The following AKAP19 variants were observed in gnomAD, a reference collection of about 807,000 sequenced individuals.
AKAP19 encodes small A-kinase anchoring protein.
the AKAP19 span, among the ~76,000 whole-genome samples, chr2:190,175,190 T>C: frequency 4.3e-4 from 66 of 152,224 alleles, no homozygotes; most frequent in Admixed American, 1.8e-3. Context: ...ATAGTGTCTA[T>C]TAATGATGCT....
At chr2:190,034,056 C>T in the AKAP19 span, among the ~76,000 whole-genome samples, 1 of 151,590 alleles carries the variant, frequency 6.6e-6, no homozygotes, top group Non-Finnish European at 1.5e-5. Flanking sequence ...GCACGTTGTG[C>T]CCATGTACCC....
chr2:190,143,756 G>A, the AKAP19 span, among the ~76,000 whole-genome samples: 1 of 150,896 alleles, frequency 6.6e-6, no homozygotes, highest in African/African-American at 2.4e-5. Context: ...CAATAGCAAA[G>A]ACTTGGAACC....
At chr2:190,065,334 CA>C in the AKAP19 span, among the ~76,000 whole-genome samples, 3 of 152,088 alleles carry the variant, frequency 2.0e-5, no homozygotes, top group Admixed American at 2.0e-4. Context: ...TACAGAGTTT[CA>C]GTCTGGGAAG....
At chr2:190,022,058 G>C in the AKAP19 span, among the ~76,000 whole-genome samples, 1 of 151,876 alleles carries the variant, frequency 6.6e-6, no homozygotes, top group Non-Finnish European at 1.5e-5. Flanking sequence ...AAAGCCATCA[G>C]TCCCATTCTC....
At chr2:189,949,111 A>G in the AKAP19 span, among the ~76,000 whole-genome samples, 1 of 152,316 alleles carries the variant, frequency 6.6e-6, no homozygotes, top group East Asian at 1.9e-4. Context: ...AAATCTTTGC[A>G]TACTCAAGTC....
the AKAP19 span, among the ~76,000 whole-genome samples, chr2:190,002,083 A>T: frequency 1.3e-5 from 2 of 152,206 alleles, no homozygotes; most frequent in Non-Finnish European, 2.9e-5. Flanking sequence ...GCCTCCCTAT[A>T]GAACAAGGGC....
At chr2:190,000,614 G>T in the AKAP19 span, among the ~76,000 whole-genome samples, 2 of 152,074 alleles carry the variant, frequency 1.3e-5, no homozygotes, top group East Asian at 3.8e-4. Flanking sequence ...TCTTCTGAAG[G>T]TTTACCTTCA....
chr2:190,168,954 G>T, the AKAP19 span, among the ~76,000 whole-genome samples: 1 of 152,138 alleles, frequency 6.6e-6, no homozygotes, highest in Non-Finnish European at 1.5e-5. Flanking sequence ...TTCCAAAGTT[G>T]CTTCCACATT....
At chr2:189,891,414 G>T in the AKAP19 span, among the ~76,000 whole-genome samples, 2 of 149,596 alleles carry the variant, frequency 1.3e-5, no homozygotes, top group African/African-American at 5.1e-5. Flanking sequence ...TAGTAGAGAC[G>T]GGGTTTCACC....
At chr2:189,971,775 T>C in the AKAP19 span, among the ~76,000 whole-genome samples, 2 of 152,236 alleles carry the variant, frequency 1.3e-5, no homozygotes, top group African/African-American at 4.8e-5. Flanking sequence ...TGCATAAATG[T>C]CTTCTTTTGA....
the AKAP19 span, among the ~76,000 whole-genome samples, chr2:190,155,184 A>AGT: frequency 2.4e-4 from 36 of 152,140 alleles, no homozygotes; most frequent in Non-Finnish European, 4.7e-4. Flanking sequence ...CAACAGAGAG[A>AGT]GTAAGGAGGT....
chr2:189,948,225 T>G, the AKAP19 span, among the ~76,000 whole-genome samples: 41 of 152,186 alleles, frequency 2.7e-4, no homozygotes, highest in Non-Finnish European at 5.9e-4. Context: ...TAATTCATTT[T>G]AACTTCTTAG....
the AKAP19 span, among the ~76,000 whole-genome samples, chr2:189,890,200 C>T: frequency 6.6e-6 from 1 of 152,194 alleles, no homozygotes. Context: ...CATTCAGGAG[C>T]AGGTTGTTCA....
chr2:190,074,538 C>CT, the AKAP19 span, among the ~76,000 whole-genome samples: 1 of 152,060 alleles, frequency 6.6e-6, no homozygotes, highest in South Asian at 2.1e-4. Flanking sequence ...CTAGTCCCAG[C>CT]TGCTCAGGAG....
At chr2:190,045,808 T>A in the AKAP19 span, among the ~76,000 whole-genome samples, 6 of 152,170 alleles carry the variant, frequency 3.9e-5, no homozygotes, top group African/African-American at 1.4e-4. Context: ...AAACTCCCAC[T>A]TTGCCAGAGC....
At chr2:190,000,158 C>A in the AKAP19 span, among the ~76,000 whole-genome samples, 1 of 152,126 alleles carries the variant, frequency 6.6e-6, no homozygotes, top group Non-Finnish European at 1.5e-5. Flanking sequence ...TTATAACTAC[C>A]TTTTTACCTT....
the AKAP19 span, among the ~76,000 whole-genome samples, chr2:189,967,055 A>G: frequency 2.0e-5 from 3 of 152,202 alleles, no homozygotes; most frequent in Non-Finnish European, 4.4e-5. Context: ...TACATTCTTC[A>G]TTCTTCCTTA....
At chr2:189,976,168 C>T in the AKAP19 span, among the ~76,000 whole-genome samples, 1 of 152,104 alleles carries the variant, frequency 6.6e-6, no homozygotes, top group Non-Finnish European at 1.5e-5. Flanking sequence ...TGTGGATGTC[C>T]TTTCTGTTTG....
chr2:190,133,438 T>C, the AKAP19 span, among the ~76,000 whole-genome samples: 6 of 152,002 alleles, frequency 3.9e-5, no homozygotes, highest in African/African-American at 1.4e-4. Flanking sequence ...TGAATAAGTG[T>C]GGAAAGTAAA....
Sources: allele counts gnomAD v4.1 joint callset (sites outside exome capture counted in the v4.1 genomes callset), GRCh38; gene constraint gnomAD v4.1.1; transcripts MANE v1.5; gene names NCBI Gene and HGNC (gene_info 2026-07-23, HGNC 2026-07-21).